The following FAM169A variants were observed in gnomAD, a reference collection of about 807,000 sequenced individuals.
The protein encoded by FAM169A is soluble lamin-associated protein of 75 kDa.
A neutral mutation model predicts 75.7 loss-of-function variants in FAM169A; 24 were observed. That is an observed-to-expected ratio of 0.32 (90% CI 0.23 to 0.45). The LOEUF is 0.45. Ranked by LOEUF, FAM169A falls within the 20% of genes least tolerant of loss-of-function variation. The pLI, the probability that FAM169A is intolerant of heterozygous loss-of-function variation, is 1.00. For missense variants in FAM169A, 673 were observed against 784.0 expected, an observed-to-expected ratio of 0.86 and a Z score of 1.69; for synonymous variants, 271 against 271.0, an observed-to-expected ratio of 1.00 and a Z score of 0.00.
intron 1 of FAM169A, among the ~76,000 whole-genome samples, chr5:74,844,318 C>T (rs1034145537): frequency 2.0e-4 from 31 of 151,774 alleles, no homozygotes; most frequent in African/African-American, 6.5e-4. Flanking sequence ...GAAAATTAGC[C>T]GGGTATGGTG....
chr5:74,803,329 A>C (rs566198628), intron 8 of FAM169A, among the ~76,000 whole-genome samples: 1 of 152,266 alleles, frequency 6.6e-6, no homozygotes, highest in East Asian at 1.9e-4. Context: ...GCAGTAGAAC[A>C]GGAGCTTATT....
At chr5:74,783,234 C>T in intron 11 of FAM169A, 100 bp from the exon 12 acceptor site, 1 of 756,472 alleles carries the variant, frequency 1.3e-6, no homozygotes, top group Non-Finnish European at 2.2e-6. Flanking sequence ...CTATCCTACA[C>T]CAAGACTCAA....
At chr5:74,861,250 C>G (rs931163621) in intron 1 of FAM169A, among the ~76,000 whole-genome samples, 1 of 152,216 alleles carries the variant, frequency 6.6e-6, no homozygotes, top group African/African-American at 2.4e-5. Flanking sequence ...TTTCACCTAA[C>G]TATAAGCCTT....
At chr5:74,832,065 C>G (rs1433958668) in intron 5 of FAM169A, among the ~76,000 whole-genome samples, 1 of 152,066 alleles carries the variant, frequency 6.6e-6, no homozygotes, top group African/African-American at 2.4e-5. Context: ...AGCTTTCCTT[C>G]AACTGCAAAA....
intron 5 of FAM169A, among the ~76,000 whole-genome samples, chr5:74,823,598 T>C (rs1199903050): frequency 6.6e-6 from 1 of 152,166 alleles, no homozygotes; most frequent in Non-Finnish European, 1.5e-5. Context: ...CCATGACAAA[T>C]CATCTTTGTG....
Position 74,813,927 on chromosome 5 carries a change from CA to C in FAM169A, c.582del (p.Phe194LeufsTer73). The stretch of plus-strand genomic sequence containing the variant: ...ACAAAGTCCTCCAGCATGTGAAGCC[CA>C]AAATCTTTACCTCTGTATTTCTTTC... ...FLRKKYRGKD[F>X]GLHMLEDFVD... On this transcript the variant is annotated frameshift_variant, in exon 6 of 13. Coordinates refer to ENST00000687041, the MANE Select transcript of FAM169A (RefSeq NM_001376049.1). LOFTEE classifies it high-confidence loss of function. The C allele has an allele frequency of 6.2e-7, 1 of 1,608,838 alleles. No homozygotes were observed. The highest frequency in any genetic ancestry group is 8.5e-7 in the Non-Finnish European group (1 of 1,178,642).
intron 6 of FAM169A, among the ~76,000 whole-genome samples, chr5:74,812,466 G>A (rs373205566): frequency 2.6e-4 from 39 of 151,194 alleles, no homozygotes; most frequent in African/African-American, 9.2e-4. Context: ...TTTTAATTGA[G>A]GTGAGGTCTC....
intron 1 of FAM169A, among the ~76,000 whole-genome samples, chr5:74,857,007 G>C (rs1242143761): frequency 6.6e-6 from 1 of 151,258 alleles, no homozygotes; most frequent in Non-Finnish European, 1.5e-5. Context: ...CACTCGGGAG[G>C]CTGAGGCAGG....
chr5:74,829,909 G>C (rs1422843688), intron 5 of FAM169A, among the ~76,000 whole-genome samples: 1 of 152,082 alleles, frequency 6.6e-6, no homozygotes, highest in Non-Finnish European at 1.5e-5. Context: ...GGAGGCAGAG[G>C]TTGAAGTTAG....
intron 5 of FAM169A, among the ~76,000 whole-genome samples, chr5:74,828,753 C>G (rs1194012679): frequency 6.6e-6 from 1 of 152,184 alleles, no homozygotes; most frequent in African/African-American, 2.4e-5. Context: ...AGTTTTGTTG[C>G]TGTTACACTC....
intron 1 of FAM169A, among the ~76,000 whole-genome samples, chr5:74,843,439 C>G (rs947728432): frequency 6.6e-6 from 1 of 152,142 alleles, no homozygotes; most frequent in Non-Finnish European, 1.5e-5. Context: ...ATTAAAACAT[C>G]TTATAAAACT....
intron 1 of FAM169A, among the ~76,000 whole-genome samples, chr5:74,857,873 T>C (rs1029887415): frequency 6.6e-6 from 1 of 152,130 alleles, no homozygotes; most frequent in Admixed American, 6.6e-5. Flanking sequence ...AGAACTTCCC[T>C]TGGGTCTATC....
chr5:74,805,274 T>C lies in FAM169A; in HGVS notation c.681A>G (p.Gln227=), dbSNP rs1054242118. Residue 227 remains glutamine (Q), a synonymous_variant, in exon 7 of 13, where the codon CAA becomes CAG. Coordinates refer to ENST00000687041, the MANE Select transcript of FAM169A (RefSeq NM_001376049.1). ...LSSLMYTACK[Q]YFEKYPGDHE... ...GGTCTCCTGGATACTTCTCAAAGTATTGCTTGCAAGCTGAAAAACACATTT... is the reference window on the plus strand; with the variant it reads ...GGTCTCCTGGATACTTCTCAAAGTACTGCTTGCAAGCTGAAAAACACATTT... The C allele has an allele frequency of 3.7e-6, 6 of 1,610,758 alleles. No individual in the cohort carries two copies. Among genetic ancestry groups the C allele is most frequent in the Non-Finnish European group, 5.1e-6 (6 of 1,179,042 alleles).
At position 74,789,307 on chromosome 5, in the gene FAM169A, C is replaced by A. The variant is rs189193754; in HGVS notation, c.1261-6173G>T. Among the ~76,000 whole-genome samples the A allele has an allele frequency of 6.2e-3, 944 of 152,294 alleles. 13 individuals are homozygous for A. Among genetic ancestry groups the A allele is most frequent in the African/African-American group, 0.02 (826 of 41,550 alleles). On this transcript the variant is annotated intron_variant, in intron 11 of 12. Transcript: ENST00000687041. ...AATAAATCCGACTACAATTCAGGGACCTTCTACCTCAGTAAAGTTTCTAGG... is the reference window on the plus strand; with the variant it reads ...AATAAATCCGACTACAATTCAGGGAACTTCTACCTCAGTAAAGTTTCTAGG...
intron 6 of FAM169A, among the ~76,000 whole-genome samples, chr5:74,812,246 C>T (rs1278040320): frequency 1.3e-5 from 2 of 152,070 alleles, no homozygotes; most frequent in African/African-American, 4.8e-5. Flanking sequence ...ACTTCAGCCC[C>T]TCAAGTAACC....
At chr5:74,828,866 T>A (rs966867896) in intron 5 of FAM169A, among the ~76,000 whole-genome samples, 2 of 152,092 alleles carry the variant, frequency 1.3e-5, no homozygotes, top group African/African-American at 4.8e-5. Context: ...AGGCACGTGT[T>A]CAACCCACCC....
chr5:74,795,709 ATT>A (rs1746236919), intron 11 of FAM169A, among the ~76,000 whole-genome samples: 1 of 152,104 alleles, frequency 6.6e-6, no homozygotes, highest in Admixed American at 6.5e-5. Flanking sequence ...ATCTTATATC[ATT>A]TGTGTATGTA....
rs1745287264 is a variant in FAM169A at position 74,779,283 on chromosome 5, T to C, written c.*2177A>G. ...CCAGTGAGCTCAATCTTTAAAAAAC[T>C]ACACTTGTCTAAAGAAAGTCTTTTA... On this transcript the variant is annotated 3_prime_UTR_variant, in exon 13 of 13. Transcript: ENST00000687041. 1 of 152,160 alleles carries C rather than the reference T, an allele frequency of 6.6e-6. No homozygotes were observed. The highest frequency in any genetic ancestry group is 2.1e-4 in the South Asian group (1 of 4,832). The allele number at this position is 152,160 out of a possible 1,614,324, so 9.4% of individuals were successfully genotyped here.
At chr5:74,849,900 TTC>T (rs1337209045) in intron 1 of FAM169A, among the ~76,000 whole-genome samples, 1 of 152,236 alleles carries the variant, frequency 6.6e-6, no homozygotes, top group Non-Finnish European at 1.5e-5. Context: ...AGCAATCCTT[TTC>T]TGTTTTCTGG....
Sources: allele counts gnomAD v4.1 joint callset (sites outside exome capture counted in the v4.1 genomes callset), GRCh38; gene constraint gnomAD v4.1.1; transcripts MANE v1.5; gene names NCBI Gene and HGNC (gene_info 2026-07-23, HGNC 2026-07-21).